SATB1: variants seen among roughly 807,000 people sequenced by gnomAD.
SATB1 encodes SATB homeobox 1, also known as DNA-binding protein SATB1.
A neutral mutation model predicts 86.9 loss-of-function variants in SATB1; 11 were observed. The ratio of observed to expected loss-of-function variants is 0.13; its 90% CI spans 0.08 to 0.21. SATB1 has a LOEUF of 0.21. SATB1 is among the 10% of genes least tolerant of loss of function. The pLI is 1.00. For missense variants in SATB1, 551 were observed against 937.6 expected (o/e 0.59, Z 5.39); for synonymous variants, 357 against 357.2 (o/e 1.00, Z 0.01).
intron 1 of SATB1, chr3:18,445,421 A>G (rs1391084894): frequency 2.0e-6 from 2 of 985,056 alleles, no homozygotes; most frequent in African/African-American, 1.8e-5. Context: ...GGCGCGGAAG[A>G]CAGGACCCTC....
chr3:18,435,062 A>G (rs1699015087), intron 2 of SATB1: 2 of 152,194 alleles, frequency 1.3e-5, no homozygotes, highest in South Asian at 4.1e-4. Context: ...GGGGCAGAAT[A>G]CCAATATTTT....
At chr3:18,376,397 A>G (rs1212185219) in intron 9 of SATB1, among the ~76,000 whole-genome samples, 1 of 152,018 alleles carries the variant, frequency 6.6e-6, no homozygotes, top group Admixed American at 6.6e-5. Context: ...CAGTTTCTCC[A>G]TTTTGGAGAT....
rs1203288570 is a variant in SATB1, at chr3:18,352,331, G to A, written c.1576-136C>T. On this transcript the variant is annotated intron_variant, in intron 9 of 10. Transcript: ENST00000338745. The surrounding 1 kb of genome is among the most constrained non-coding windows in gnomAD (Gnocchi z 4.1). ...AACACACCATTCTGCTTTAAAAATT[G>A]TTTTTAACTTGTTAAGAGAGGTTAT... The A allele has an allele frequency of 1.4e-6, 1 of 714,328 alleles. No individual in the cohort carries two copies. Among genetic ancestry groups the A allele is most frequent in the Non-Finnish European group, 2.3e-6 (1 of 435,024 alleles). 44.2% of individuals were successfully genotyped at this position (714,328 alleles called of 1,614,324 possible).
rs1306375904 is a variant in SATB1 at position 18,408,371 on chromosome 3, AAGCATCCC to A, written c.639+6732_639+6739del. ...TATATTTCTGTAGCGCCCTTCATGCAAGCATCCCAGGGTGCTTTACAATCATTATGAGT... is the reference window on the plus strand; with the variant it reads ...TATATTTCTGTAGCGCCCTTCATGCAAGGGTGCTTTACAATCATTATGAGT... On this transcript the variant is annotated intron_variant, in intron 5 of 10. Coordinates refer to ENST00000338745, the MANE Select transcript of SATB1 (RefSeq NM_002971.6). 2.4e-4 allele frequency among the ~76,000 whole-genome samples: 37 copies of A among 152,160 alleles called. No homozygotes were observed. The East Asian group carries it at 5.8e-3, about 24-fold the overall frequency.
intron 2 of SATB1, among the ~76,000 whole-genome samples, chr3:18,431,668 G>T (rs972233709): frequency 1.3e-5 from 2 of 152,148 alleles, no homozygotes; most frequent in African/African-American, 4.8e-5. Flanking sequence ...AAATACTCAG[G>T]ACATCTCTGA....
chr3:18,429,429 T>G (rs1260485149), upstream of SATB1, among the ~76,000 whole-genome samples: 1 of 152,266 alleles, frequency 6.6e-6, no homozygotes, highest in Non-Finnish European at 1.5e-5. This position sits in a 1 kb window ranked among gnomAD's most constrained non-coding sequence, Gnocchi z 4.1. Context: ...TCATTACAAC[T>G]GCATACAGTT....
chr3:18,351,997 T>C lies in SATB1; in HGVS notation c.1774A>G (p.Ile592Val), dbSNP rs1694386645. The C allele has an allele frequency of 1.9e-6, 3 of 1,614,232 alleles. No homozygotes were observed. The highest frequency in any genetic ancestry group is 2.5e-6 in the Non-Finnish European group (3 of 1,180,032). ...PHIIHVPAEQ[I>V]QQQQQQQQQQ... ...ATTGGCCAAAGTAAACGAACCTGAA[T>C]CTGCTCTGCTGGAACATGGATAATG... is the stretch of plus-strand genomic sequence containing the variant. Residue 592 changes from isoleucine to valine, a missense_variant, in exon 10 of 11, where the codon ATT becomes GTT. By Grantham distance (29) the Ile-to-Val change is conservative. Around this residue, in one of 8 missense-constraint regions of SATB1, gnomAD observed 87 missense variants for 103.6 expected, o/e 0.84. Transcript: ENST00000338745.
At chr3:18,372,292 ATCT>A (rs1189286970) in intron 9 of SATB1, among the ~76,000 whole-genome samples, 1 of 152,248 alleles carries the variant, frequency 6.6e-6, no homozygotes, top group African/African-American at 2.4e-5. Flanking sequence ...TTCTTATGAC[ATCT>A]TCTAAAGATG....
At chr3:18,445,238 C>A (rs1699360181) in intron 1 of SATB1, 2 of 981,768 alleles carry the variant, frequency 2.0e-6, no homozygotes, top group East Asian at 2.3e-4. Context: ...GGAGCCTCGG[C>A]GGCCGCTGGC....
chr3:18,445,401 C>T (rs902868299), intron 1 of SATB1: 3 of 985,042 alleles, frequency 3.0e-6, no homozygotes, highest in Non-Finnish European at 3.6e-6. Context: ...AGGGGGCGCA[C>T]ACGGGGGTTG....
intron 9 of SATB1, among the ~76,000 whole-genome samples, chr3:18,372,058 A>C (rs1045443388): frequency 1.3e-5 from 2 of 152,254 alleles, no homozygotes; most frequent in Non-Finnish European, 2.9e-5. Context: ...CTTAGTTTAC[A>C]CTTTTCAGCT....
intron 8 of SATB1, among the ~76,000 whole-genome samples, chr3:18,385,365 G>A (rs961679985): frequency 1.3e-5 from 2 of 152,156 alleles, no homozygotes; most frequent in Admixed American, 1.3e-4. Context: ...GCTCAGGCCT[G>A]TAATCCCAGC....
intron 9 of SATB1, among the ~76,000 whole-genome samples, chr3:18,375,808 GAAC>G (rs1005905782): frequency 7.2e-5 from 11 of 152,044 alleles, no homozygotes; most frequent in African/African-American, 2.7e-4. Context: ...ACATTAAACT[GAAC>G]AACTAAGTCA....
chr3:18,366,438 C>CATCA (rs141494702), intron 9 of SATB1, among the ~76,000 whole-genome samples: 6,919 of 151,222 alleles, frequency 0.046, 291 homozygotes, highest in African/African-American at 0.11. Flanking sequence ...AAAAAACTTC[C>CATCA]ATCAATCAAT....
rs1694134068 is a variant in SATB1 at position 18,347,798 on chromosome 3, T to C, written c.*1372A>G. The C allele has an allele frequency of 6.6e-6, 1 of 152,232 alleles. No homozygotes were observed. The highest frequency in any genetic ancestry group is 2.4e-5 in the African/African-American group (1 of 41,470). 9.4% of individuals were successfully genotyped at this position (152,232 alleles called of 1,614,324 possible). ...TAAAAATGAGCATGTGTTTGTGATT[T>C]AAATTTACAGTGTTTCAAGTAACTT... is the stretch of plus-strand genomic sequence containing the variant. On this transcript the variant is annotated 3_prime_UTR_variant, in exon 11 of 11. Transcript: ENST00000338745.
chr3:18,435,808 A>C (rs565295635), intron 2 of SATB1, among the ~76,000 whole-genome samples: 2 of 152,166 alleles, frequency 1.3e-5, no homozygotes, highest in Non-Finnish European at 2.9e-5. Context: ...TTACAGCTCT[A>C]ATTTTTGTCT....
At chr3:18,390,317 A>G (rs1197631604) in intron 7 of SATB1, among the ~76,000 whole-genome samples, 1 of 152,132 alleles carries the variant, frequency 6.6e-6, no homozygotes, top group East Asian at 1.9e-4. Context: ...CCTCCTAAAA[A>G]GAAAATACAT....
intron 8 of SATB1, among the ~76,000 whole-genome samples, chr3:18,380,092 C>T (rs1403655963): frequency 1.3e-5 from 2 of 152,136 alleles, no homozygotes; most frequent in Non-Finnish European, 2.9e-5. Context: ...GGTGGTCTTG[C>T]TTTGAGGCAG....
At chr3:18,391,004 G>A (rs1188060911) in intron 7 of SATB1, among the ~76,000 whole-genome samples, 1 of 152,120 alleles carries the variant, frequency 6.6e-6, no homozygotes, top group African/African-American at 2.4e-5. Context: ...TATGCTAAAA[G>A]CTGATATCTT....
Sources: allele counts gnomAD v4.1 joint callset (sites outside exome capture counted in the v4.1 genomes callset), GRCh38; gene constraint gnomAD v4.1.1; regional missense constraint gnomAD v4.1.1; non-coding constraint Gnocchi (gnomAD v3.1); transcripts MANE v1.5; gene names NCBI Gene and HGNC (gene_info 2026-07-23, HGNC 2026-07-21).